The following MTMR3 variants were observed in gnomAD, a reference collection of about 807,000 sequenced individuals.
MTMR3 encodes the protein myotubularin related protein 3, also known as phosphatidylinositol-3,5-bisphosphate 3-phosphatase MTMR3.
A neutral mutation model predicts 132.4 loss-of-function variants in MTMR3; 32 were observed. The observed-to-expected ratio is 0.24, with a 90% CI of 0.18 to 0.32. MTMR3 has a LOEUF of 0.32. Among genes scored for constraint, MTMR3 ranks in the 10% least tolerant of loss-of-function variants. The probability of loss-of-function intolerance (pLI) is 1.00; values close to 1 mark genes in which losing one functional copy is unlikely to be tolerated. For missense variants in MTMR3, 1,216 were observed against 1,489.6 expected, an observed-to-expected ratio of 0.82 and a Z score of 3.02; for synonymous variants, 556 against 550.3, an observed-to-expected ratio of 1.01 and a Z score of -0.14.
intron 5 of MTMR3, 196 bp from the exon 6 acceptor site, chr22:29,988,284 C>T: frequency 2.7e-6 from 1 of 371,994 alleles, no homozygotes; most frequent in Non-Finnish European, 4.9e-6. Flanking sequence ...CTTGAGACCA[C>T]TGATTTAGAG....
intron 2 of MTMR3, among the ~76,000 whole-genome samples, chr22:29,966,152 G>A (rs2066410521): frequency 6.6e-6 from 1 of 152,068 alleles, no homozygotes; most frequent in South Asian, 2.1e-4. Context: ...TACTCATTCT[G>A]CCTACTCCTT....
intron 5 of MTMR3, chr22:29,986,554 A>G: frequency 2.0e-6 from 2 of 983,526 alleles, no homozygotes; most frequent in Non-Finnish European, 2.4e-6. Context: ...TCTTAGTTGC[A>G]TCAGTTGCAG....
chr22:29,959,291 T>A (rs2066260895), intron 2 of MTMR3, among the ~76,000 whole-genome samples: 1 of 152,128 alleles, frequency 6.6e-6, no homozygotes, highest in African/African-American at 2.4e-5. Flanking sequence ...AGGCTTGGAA[T>A]AGGAATCTTA....
chr22:29,922,830 A>C (rs2065443371), intron 1 of MTMR3, among the ~76,000 whole-genome samples: 1 of 152,068 alleles, frequency 6.6e-6, no homozygotes, highest in African/African-American at 2.4e-5. Flanking sequence ...AATAGCCATC[A>C]TAATGGGTGT....
At chr22:29,883,645 A>G (rs1331704356) in intron 1 of MTMR3, among the ~76,000 whole-genome samples, 3 of 151,988 alleles carry the variant, frequency 2.0e-5, no homozygotes, top group African/African-American at 7.2e-5. Flanking sequence ...CTGCCTTCCC[A>G]GACCTGGCGG....
chr22:29,951,616 C>T (rs1248710809), intron 1 of MTMR3, among the ~76,000 whole-genome samples: 1 of 152,160 alleles, frequency 6.6e-6, no homozygotes, highest in East Asian at 1.9e-4. Context: ...TAAATGAAGA[C>T]GAGTGATTTT....
chr22:30,026,039 G>T lies in MTMR3; in HGVS notation c.*238G>T. The T allele has an allele frequency of 6.7e-6, 3 of 450,782 alleles. No homozygotes were observed. The highest frequency in any genetic ancestry group is 5.1e-5 in the South Asian group (1 of 19,698). 27.9% of individuals were successfully genotyped at this position (450,782 alleles called of 1,614,324 possible). ...CTTCAAAAAAGGAAACTTTCCCTTG[G>T]TTGTCTTAATTTTTTTTTTTTTTGA... On this transcript the variant is annotated 3_prime_UTR_variant, in exon 20 of 20. Coordinates refer to ENST00000401950, the MANE Select transcript of MTMR3 (RefSeq NM_021090.4).
rs9620938 is a variant in MTMR3 at position 30,020,586 on chromosome 22, C to T, written c.2927C>T (p.Ala976Val). The T allele has an allele frequency of 6.2e-7, 1 of 1,614,236 alleles. No individual in the cohort carries two copies. ...GACTCACTGAGCCGTCAGCTGTCTG[C>T]TATGAGCTGCAGCTCTGCCCACTTA... ...SKDSLSRQLS[A>V]MSCSSAHLHS... Residue 976 changes from alanine (A) to valine (V), a missense_variant, in exon 17 of 20, where the codon GCT becomes GTT. Coordinates refer to ENST00000401950, the MANE Select transcript of MTMR3 (RefSeq NM_021090.4).
intron 1 of MTMR3, among the ~76,000 whole-genome samples, chr22:29,890,443 A>G (rs959904984): frequency 6.6e-6 from 1 of 152,022 alleles, no homozygotes; most frequent in Non-Finnish European, 1.5e-5. Flanking sequence ...ACTTGAACCC[A>G]GGAGGCAGAG....
chr22:29,907,400 T>TA (rs917859236), intron 1 of MTMR3, among the ~76,000 whole-genome samples: 118 of 143,768 alleles, frequency 8.2e-4, no homozygotes, highest in African/African-American at 2.7e-3. Context: ...GACTCTGTCT[T>TA]AAAAAAAAAA....
At chr22:29,947,929 T>C (rs2065983078) in intron 1 of MTMR3, among the ~76,000 whole-genome samples, 1 of 152,154 alleles carries the variant, frequency 6.6e-6, no homozygotes, top group African/African-American at 2.4e-5. Flanking sequence ...TGAGAATTGC[T>C]TTGAAAGGGT....
At chr22:30,010,207 G>A (rs1397697658) in intron 12 of MTMR3, 2 of 152,168 alleles carry the variant, frequency 1.3e-5, no homozygotes, top group Non-Finnish European at 2.9e-5. Context: ...GATCGGCCGC[G>A]AACTGTGTAA....
chr22:29,942,784 C>G (rs2145814513), intron 1 of MTMR3, among the ~76,000 whole-genome samples: 1 of 152,294 alleles, frequency 6.6e-6, no homozygotes, highest in Admixed American at 6.5e-5. Context: ...CTCTCTTGTT[C>G]CCTGAACATT....
At chr22:29,893,598 T>C (rs2064838534) in intron 1 of MTMR3, among the ~76,000 whole-genome samples, 1 of 152,188 alleles carries the variant, frequency 6.6e-6, no homozygotes, top group Non-Finnish European at 1.5e-5. Flanking sequence ...TGAAGAAAAT[T>C]AGTCTTCCAA....
At chr22:30,004,603 TTC>T (rs1323059240) in intron 9 of MTMR3, 9 of 152,352 alleles carry the variant, frequency 5.9e-5, no homozygotes, top group African/African-American at 2.2e-4. Context: ...TTTGCAGTTT[TTC>T]AGAGAAAGTC....
intron 5 of MTMR3, 32 bp downstream of exon 5, chr22:29,979,084 G>C: frequency 7.0e-7 from 1 of 1,419,286 alleles, no homozygotes; most frequent in Non-Finnish European, 1.0e-6. Context: ...TCCCTCTAAG[G>C]TAAATGGAGA....
At chr22:29,970,945 T>TC (rs1491305593) in intron 2 of MTMR3, 31 bp from the exon 3 acceptor site, 1 of 756,586 alleles carries the variant, frequency 1.3e-6, no homozygotes, top group Non-Finnish European at 2.0e-6. Context: ...CTTTTTTTTT[T>TC]CTTCTTCCCC....
chr22:29,939,836 A>G lies in MTMR3; in HGVS notation c.-137-17200A>G, dbSNP rs148190215. The stretch of plus-strand genomic sequence containing the variant: ...CATATCTCCTGTGACCTGCCCGTAT[A>G]CATCCAGATGGCCTGAAGCAACTGA... On this transcript the variant is annotated intron_variant, in intron 1 of 19. Coordinates refer to ENST00000401950, the MANE Select transcript of MTMR3 (RefSeq NM_021090.4). 4.5e-3 allele frequency among the ~76,000 whole-genome samples: 682 copies of G among 152,278 alleles called. 6 individuals are homozygous for G. The highest frequency in any genetic ancestry group is 0.015 in the African/African-American group (644 of 41,572).
At chr22:29,920,397 C>T (rs1197229576) in intron 1 of MTMR3, among the ~76,000 whole-genome samples, 1 of 152,040 alleles carries the variant, frequency 6.6e-6, no homozygotes, top group African/African-American at 2.4e-5. Context: ...ACACATTTTG[C>T]TGGAGTATGT....
Sources: allele counts gnomAD v4.1 joint callset (sites outside exome capture counted in the v4.1 genomes callset), GRCh38; gene constraint gnomAD v4.1.1; transcripts MANE v1.5; gene names NCBI Gene and HGNC (gene_info 2026-07-23, HGNC 2026-07-21).